FER: variants seen among roughly 807,000 people sequenced by gnomAD.
FER encodes tyrosine-protein kinase Fer.
Under a neutral mutation model 111.0 loss-of-function variants are expected in FER, and 63 were observed. That is an observed-to-expected ratio of 0.57 (90% CI 0.46 to 0.70). The LOEUF (loss-of-function observed/expected upper bound fraction) is 0.70, where lower values mean the gene tolerates loss of function less well. FER is among the 30% of genes least tolerant of loss of function. FER has a pLI of 0.00. For missense variants in FER, 914 were observed against 954.0 expected (o/e 0.96, Z 0.55); for synonymous variants, 327 against 313.9 (o/e 1.04, Z -0.44).
intron 17 of FER, among the ~76,000 whole-genome samples, chr5:109,148,511 G>T (rs552492744): frequency 6.6e-6 from 1 of 152,126 alleles, no homozygotes; most frequent in Non-Finnish European, 1.5e-5. Flanking sequence ...GTAGTCTGAC[G>T]TATCAACTCT....
chr5:108,826,734 T>G (rs1206859536), intron 3 of FER, among the ~76,000 whole-genome samples: 1 of 152,246 alleles, frequency 6.6e-6, no homozygotes, highest in African/African-American at 2.4e-5. Flanking sequence ...AGGTCTGGGC[T>G]TTTTGATGGG....
chr5:108,754,041 A>G (rs1021535485), intron 1 of FER, among the ~76,000 whole-genome samples: 2 of 152,176 alleles, frequency 1.3e-5, no homozygotes, highest in Admixed American at 6.5e-5. Flanking sequence ...AGCATATTAG[A>G]ATGCAGATGA....
chr5:109,018,109 A>AT (rs1416084420), intron 13 of FER, among the ~76,000 whole-genome samples: 1 of 151,802 alleles, frequency 6.6e-6, no homozygotes, highest in East Asian at 1.9e-4. Flanking sequence ...AATACTTTGG[A>AT]TTTTTTACTT....
intron 17 of FER, 134 bp from the exon 18 acceptor site, chr5:109,180,613 G>A (rs771743026): frequency 2.7e-5 from 26 of 964,844 alleles, no homozygotes; most frequent in Non-Finnish European, 3.8e-5. Flanking sequence ...GATGAGGACT[G>A]GTAAATCACA....
chr5:108,813,898 T>A (rs1758009922), intron 3 of FER, among the ~76,000 whole-genome samples: 1 of 152,148 alleles, frequency 6.6e-6, no homozygotes. Context: ...CTTTTCCTTT[T>A]GCTCCACACC....
intron 17 of FER, among the ~76,000 whole-genome samples, chr5:109,130,054 G>A (rs1752193015): frequency 7.6e-6 from 1 of 131,548 alleles, no homozygotes; most frequent in African/African-American, 2.8e-5. Context: ...TAATACTTGT[G>A]CGTAGGTTTT....
intron 17 of FER, among the ~76,000 whole-genome samples, chr5:109,108,599 G>T (rs1273437247): frequency 2.0e-5 from 3 of 152,124 alleles, no homozygotes; most frequent in African/African-American, 7.2e-5. Flanking sequence ...ACAGGCAGGA[G>T]ATCAATCTCA....
At chr5:108,750,429 C>G (rs559268983) in intron 1 of FER, among the ~76,000 whole-genome samples, 1 of 152,248 alleles carries the variant, frequency 6.6e-6, no homozygotes, top group South Asian at 2.1e-4. Flanking sequence ...TCTGCTAGTA[C>G]TTTTGAGCCA....
chr5:108,822,754 T>TTTTATTTTATTTTA (rs1759015800), intron 3 of FER, among the ~76,000 whole-genome samples: 1 of 88,248 alleles, frequency 1.1e-5, no homozygotes, highest in African/African-American at 6.8e-5. Context: ...TTTTATTTTA[T>TTTTATTTTATTTTA]TTTATTTTAT....
At chr5:109,077,827 A>G (rs564202414) in intron 16 of FER, among the ~76,000 whole-genome samples, 1 of 152,200 alleles carries the variant, frequency 6.6e-6, no homozygotes, top group Non-Finnish European at 1.5e-5. Context: ...TTTAAATTGG[A>G]CAAAGCATTA....
chr5:109,092,284 C>CAAAAAAAA (rs70999914), intron 16 of FER, among the ~76,000 whole-genome samples: 7 of 40,424 alleles, frequency 1.7e-4, no homozygotes, highest in African/African-American at 3.1e-4. Context: ...CTTATGATGG[C>CAAAAAAAA]AAAAAAAAAA....
intron 3 of FER, among the ~76,000 whole-genome samples, chr5:108,820,747 C>A (rs1758752337): frequency 6.6e-6 from 1 of 152,068 alleles, no homozygotes; most frequent in South Asian, 2.1e-4. Flanking sequence ...TAGTCTTTGT[C>A]CACATATTAT....
chr5:108,843,867 A>G (rs1200836326), intron 5 of FER, among the ~76,000 whole-genome samples: 3 of 152,030 alleles, frequency 2.0e-5, no homozygotes, highest in African/African-American at 4.8e-5. Context: ...TTACCTAATT[A>G]AAAAAAATTT....
chr5:108,789,784 G>A (rs2150020699), intron 2 of FER, among the ~76,000 whole-genome samples: 1 of 152,046 alleles, frequency 6.6e-6, no homozygotes, highest in Middle Eastern at 3.4e-3. Flanking sequence ...TGTATTTTTA[G>A]TAGAGATGGG....
chr5:109,093,599 A>G (rs531327015), intron 16 of FER, among the ~76,000 whole-genome samples: 154 of 152,186 alleles, frequency 1.0e-3, no homozygotes, highest in Non-Finnish European at 2.0e-3. Flanking sequence ...GGATCTTAAT[A>G]TCCCTAAAAT....
chr5:109,086,504 A>T (rs1325905556), intron 16 of FER, among the ~76,000 whole-genome samples: 1 of 151,298 alleles, frequency 6.6e-6, no homozygotes, highest in Non-Finnish European at 1.5e-5. Context: ...GCTTTTTTTT[A>T]TAATTTGTTT....
chr5:109,113,463 C>A (rs1197424048), intron 17 of FER, among the ~76,000 whole-genome samples: 1 of 152,128 alleles, frequency 6.6e-6, no homozygotes, highest in East Asian at 1.9e-4. Context: ...CTGAGAACCA[C>A]TACTTTTAAG....
At chr5:108,810,832 G>T (rs1393362267) in intron 3 of FER, among the ~76,000 whole-genome samples, 3 of 150,194 alleles carry the variant, frequency 2.0e-5, no homozygotes, top group Non-Finnish European at 4.5e-5. Flanking sequence ...TCTGCCTGGG[G>T]GTGAGGAAGA....
chr5:108,935,571 C>T (rs891412268), intron 10 of FER, among the ~76,000 whole-genome samples: 7 of 152,052 alleles, frequency 4.6e-5, no homozygotes, highest in Non-Finnish European at 8.8e-5. Context: ...CACCATCCAA[C>T]CCACCTACAG....
Sources: allele counts gnomAD v4.1 joint callset (sites outside exome capture counted in the v4.1 genomes callset), GRCh38; gene constraint gnomAD v4.1.1; transcripts MANE v1.5; gene names NCBI Gene and HGNC (gene_info 2026-07-23, HGNC 2026-07-21).